The following ANK2 variants were observed in gnomAD, a reference collection of about 807,000 sequenced individuals.
ANK2 encodes ankyrin 2, also known as ankyrin-2.
Under a neutral mutation model 360.5 loss-of-function variants are expected in ANK2, and 83 were observed. The ratio of observed to expected loss-of-function variants is 0.23; its 90% confidence interval spans 0.19 to 0.28. The LOEUF is 0.28. Ranked by LOEUF, ANK2 falls within the 10% of genes least tolerant of loss-of-function variation. ANK2 has a pLI of 1.00. For synonymous variants in ANK2, 1,740 were observed against 1,759.5 expected (o/e 0.99, Z 0.28); for missense variants, 4,201 against 4,795.7 (o/e 0.88, Z 3.66).
chr4:113,057,123 C>T (rs313985), intron 1 of ANK2, among the ~76,000 whole-genome samples: 123,466 of 152,088 alleles, frequency 0.81, 50,405 homozygotes, highest in African/African-American at 0.87. Flanking sequence ...CAATGATTGA[C>T]ACTTACATGG....
intron 2 of ANK2, among the ~76,000 whole-genome samples, chr4:113,032,965 T>C (rs567346873): frequency 6.6e-6 from 1 of 152,150 alleles, no homozygotes; most frequent in East Asian, 1.9e-4. Flanking sequence ...ACATTCACTA[T>C]ATCATAAAAT....
rs1264766232 is a variant in ANK2, at chr4:113,201,750, T to C, written c.384+2641T>C. On this transcript the variant is annotated intron_variant, in intron 4 of 45. Coordinates refer to ENST00000357077, the MANE Select transcript of ANK2 (RefSeq NM_001148.6). ...GATACCAGTTATTACACAGTAGTTA[T>C]TGGAAATGTATATGCTTTGGAGGCT... is the stretch of plus-strand genomic sequence containing the variant. Among the ~76,000 whole-genome samples, 11 of 152,336 alleles carry C rather than the reference T, an allele frequency of 7.2e-5. No homozygotes were observed. The East Asian group carries it at 1.3e-3, about 19-fold the overall frequency.
At chr4:113,207,856 G>A (rs1345598269) in intron 4 of ANK2, among the ~76,000 whole-genome samples, 1 of 152,094 alleles carries the variant, frequency 6.6e-6, no homozygotes, top group Non-Finnish European at 1.5e-5. Flanking sequence ...GTGGGCAGGG[G>A]GCATGCGGAA....
At chr4:113,281,574 C>T (rs924199580) in intron 17 of ANK2, among the ~76,000 whole-genome samples, 9 of 152,030 alleles carry the variant, frequency 5.9e-5, no homozygotes, top group South Asian at 2.1e-4. Context: ...ATGGTAATCT[C>T]ACAAGAAGCA....
At chr4:112,907,919 C>T (rs1038304118) in intron 2 of ANK2, among the ~76,000 whole-genome samples, 1 of 152,080 alleles carries the variant, frequency 6.6e-6, no homozygotes, top group Non-Finnish European at 1.5e-5. Flanking sequence ...AACTGTTCTT[C>T]GTTATCCTCA....
intron 1 of ANK2, among the ~76,000 whole-genome samples, chr4:113,089,156 A>C (rs1475721000): frequency 6.6e-6 from 1 of 152,184 alleles, no homozygotes; most frequent in East Asian, 1.9e-4. Context: ...TTAGTCTCAG[A>C]AAGTCACAAG....
At chr4:113,332,710 A>G (rs1181675911) in intron 28 of ANK2, among the ~76,000 whole-genome samples, 1 of 152,218 alleles carries the variant, frequency 6.6e-6, no homozygotes, top group African/African-American at 2.4e-5. Flanking sequence ...CCTTGTCGAA[A>G]ATGTTTTAGG....
intron 2 of ANK2, among the ~76,000 whole-genome samples, chr4:113,176,906 T>G (rs569194649): frequency 6.6e-6 from 1 of 152,284 alleles, no homozygotes; most frequent in Admixed American, 6.5e-5. Context: ...TTGAGATAGT[T>G]TGCTGAGACT....
chr4:113,315,298 T>A (rs1332127079), intron 24 of ANK2, among the ~76,000 whole-genome samples: 1 of 152,210 alleles, frequency 6.6e-6, no homozygotes, highest in African/African-American at 2.4e-5. Context: ...TAGACAGACT[T>A]GTCTACTTAG....
At chr4:113,126,377 G>A (rs2095660125) in intron 1 of ANK2, among the ~76,000 whole-genome samples, 1 of 152,148 alleles carries the variant, frequency 6.6e-6, no homozygotes, top group South Asian at 2.1e-4. Flanking sequence ...TCTTCTACAG[G>A]TAGTAGTACA....
At chr4:112,767,058 A>G in the ANK2 span, among the ~76,000 whole-genome samples, 1 of 152,228 alleles carries the variant, frequency 6.6e-6, no homozygotes, top group Non-Finnish European at 1.5e-5. Context: ...TATTTTGAAT[A>G]TCTTATGATG....
Position 113,336,560 on chromosome 4 carries a change from GT to G in ANK2, c.3592-12del. 2 of 1,605,686 alleles carry G rather than the reference GT, an allele frequency of 1.2e-6. No homozygotes were observed. Among genetic ancestry groups the G allele is most frequent in the South Asian group, 1.1e-5 (1 of 90,548 alleles). On this transcript the variant is annotated splice_polypyrimidine_tract_variant and intron_variant, in intron 30 of 45. Coordinates refer to ENST00000357077, the MANE Select transcript of ANK2 (RefSeq NM_001148.6). Reference sequence around the variant, plus strand: ...TATATACACAAATATATATGTGTGTGTTTTTACTTTGAAAAGGCTCAACCTA... The same window carrying G: ...TATATACACAAATATATATGTGTGTGTTTTACTTTGAAAAGGCTCAACCTA...
chr4:113,287,764 C>A, intron 19 of ANK2, 61 bp downstream of exon 19: 1 of 1,402,934 alleles, frequency 7.1e-7, no homozygotes, highest in East Asian at 2.3e-5. Flanking sequence ...CCAGTAGCCC[C>A]CATTCGGGTC....
chr4:113,363,535 G>A, intron 40 of ANK2, 66 bp downstream of exon 40: 2 of 1,584,452 alleles, frequency 1.3e-6, no homozygotes, highest in South Asian at 1.1e-5. Context: ...ACCGCATCTT[G>A]CAAATTCAGT....
chr4:113,373,012 C>T, intron 43 of ANK2, 78 bp from the exon 44 acceptor site: 3 of 1,206,052 alleles, frequency 2.5e-6, no homozygotes, highest in Non-Finnish European at 3.7e-6. Flanking sequence ...TAACATTCCT[C>T]ACATTATAAG....
At chr4:113,315,413 A>G (rs766516981) in intron 24 of ANK2, among the ~76,000 whole-genome samples, 14 of 152,132 alleles carry the variant, frequency 9.2e-5, no homozygotes, top group South Asian at 4.1e-4. Context: ...TTGAGGTACC[A>G]TTATTTACCA....
chr4:113,293,349 C>A, intron 21 of ANK2, 91 bp from the exon 22 acceptor site: 1 of 1,108,902 alleles, frequency 9.0e-7, no homozygotes, highest in Non-Finnish European at 1.3e-6. Context: ...GAAGGAAATG[C>A]TGGCTGATGC....
At chr4:113,380,770 T>G (rs550127208) in intron 45 of ANK2, among the ~76,000 whole-genome samples, 39 of 152,308 alleles carry the variant, frequency 2.6e-4, no homozygotes, top group African/African-American at 8.9e-4. Context: ...GAGCAACATA[T>G]GTGAGGCTTG....
chr4:113,201,032 A>G (rs2098822853), intron 4 of ANK2, among the ~76,000 whole-genome samples: 1 of 152,062 alleles, frequency 6.6e-6, no homozygotes, highest in Non-Finnish European at 1.5e-5. Flanking sequence ...AACTTAAAGT[A>G]TAATAATAAT....
Sources: gnomAD v4.1 joint callset for allele counts (sites outside exome capture counted in the v4.1 genomes callset) on GRCh38, gnomAD v4.1.1 for gene constraint, MANE v1.5 for transcripts, NCBI Gene and HGNC (gene_info 2026-07-23, HGNC 2026-07-21) for gene names.